The following EPHA5 variants were observed in gnomAD, a reference collection of about 807,000 sequenced individuals.
The protein encoded by EPHA5 is EPH receptor A5, also known as ephrin type-A receptor 5.
Under a neutral mutation model 105.0 loss-of-function variants are expected in EPHA5, and 60 were observed. That is an observed-to-expected ratio of 0.57 (90% CI 0.46 to 0.71). The LOEUF (loss-of-function observed/expected upper bound fraction) is 0.71. EPHA5 is among the 30% of genes least tolerant of loss of function. The probability of loss-of-function intolerance (pLI) is 0.00; values close to 1 mark genes in which losing one functional copy is unlikely to be tolerated. For missense variants in EPHA5, 1,218 were observed against 1,274.7 expected (o/e 0.96, Z 0.68); for synonymous variants, 513 against 449.1 (o/e 1.14, Z -1.80).
intron 8 of EPHA5, among the ~76,000 whole-genome samples, chr4:65,391,815 T>C (rs1720740974): frequency 6.6e-6 from 1 of 152,158 alleles, no homozygotes; most frequent in African/African-American, 2.4e-5. Flanking sequence ...GGTTAGGCTT[T>C]TGACCTGCCC....
At chr4:65,362,105 A>G (rs1717388444) in intron 11 of EPHA5, among the ~76,000 whole-genome samples, 1 of 151,586 alleles carries the variant, frequency 6.6e-6, no homozygotes, top group Non-Finnish European at 1.5e-5. Flanking sequence ...TTTAGAATAT[A>G]TGTATCTATT....
intron 2 of EPHA5, among the ~76,000 whole-genome samples, chr4:65,611,291 T>C (rs2149458219): frequency 6.6e-6 from 1 of 152,208 alleles, no homozygotes; most frequent in East Asian, 1.9e-4. Flanking sequence ...AAGATGTAAA[T>C]TGAAAAGTAA....
intron 2 of EPHA5, among the ~76,000 whole-genome samples, chr4:65,617,499 T>C (rs1745344399): frequency 6.6e-6 from 1 of 152,156 alleles, no homozygotes; most frequent in Non-Finnish European, 1.5e-5. Context: ...ATTGCTTTAC[T>C]GGTAGTGTAC....
At chr4:65,629,530 T>G (rs536191734) in intron 2 of EPHA5, among the ~76,000 whole-genome samples, 1 of 152,308 alleles carries the variant, frequency 6.6e-6, no homozygotes, top group East Asian at 1.9e-4. Context: ...TTTAGAAATA[T>G]AGTGGACATT....
chr4:65,481,320 G>A (rs1236959234), intron 5 of EPHA5, among the ~76,000 whole-genome samples: 1 of 152,116 alleles, frequency 6.6e-6, no homozygotes, highest in Non-Finnish European at 1.5e-5. Flanking sequence ...TTACAAAGAT[G>A]ATTTAATTTA....
At chr4:65,492,493 C>T (rs1030084047) in intron 4 of EPHA5, among the ~76,000 whole-genome samples, 3 of 146,984 alleles carry the variant, frequency 2.0e-5, no homozygotes, top group Admixed American at 7.0e-5. Flanking sequence ...TGAGCCACCG[C>T]GCCAAGCCAA....
At chr4:65,517,707 G>A (rs977580986) in intron 3 of EPHA5, among the ~76,000 whole-genome samples, 2 of 151,728 alleles carry the variant, frequency 1.3e-5, no homozygotes, top group Non-Finnish European at 2.9e-5. Flanking sequence ...GAAAATTACT[G>A]ATATGTTATT....
intron 2 of EPHA5, among the ~76,000 whole-genome samples, chr4:65,625,012 A>T (rs1049774819): frequency 1.3e-5 from 2 of 152,200 alleles, no homozygotes; most frequent in Non-Finnish European, 2.9e-5. Context: ...AAAAATTGTC[A>T]TTGGCATAGA....
At chr4:65,543,815 T>A (rs1480089295) in intron 3 of EPHA5, among the ~76,000 whole-genome samples, 5 of 152,042 alleles carry the variant, frequency 3.3e-5, no homozygotes, top group Non-Finnish European at 4.4e-5. Flanking sequence ...ACTACCTGAC[T>A]TTAAACTACA....
intron 5 of EPHA5, among the ~76,000 whole-genome samples, chr4:65,460,456 T>C (rs1728016572): frequency 6.6e-6 from 1 of 151,158 alleles, no homozygotes; most frequent in South Asian, 2.1e-4. Flanking sequence ...GATAATTAAA[T>C]GAGAAGTTAA....
chr4:65,545,077 T>TG lies in EPHA5; in HGVS notation c.911-49535dup, dbSNP rs375313505. ...CGACTTTGTGGTCAGTAAACTACCA[T>TG]GGGGGCTATTGTTCTTGTTAATATA... is the stretch of plus-strand genomic sequence containing the variant. On this transcript the variant is annotated intron_variant, in intron 3 of 16. Transcript: ENST00000613740. Among the ~76,000 whole-genome samples, 387 of 151,968 alleles carry TG rather than the reference T, an allele frequency of 2.5e-3. 1 individual carries two copies. The highest frequency in any genetic ancestry group is 8.5e-3 in the African/African-American group (352 of 41,506).
chr4:65,378,009 G>A (rs1282355919), intron 8 of EPHA5, among the ~76,000 whole-genome samples: 1 of 151,766 alleles, frequency 6.6e-6, no homozygotes, highest in Non-Finnish European at 1.5e-5. Context: ...TTCTAGAAAT[G>A]TATCTATTCT....
intron 5 of EPHA5, among the ~76,000 whole-genome samples, chr4:65,438,224 A>G (rs1318229735): frequency 6.6e-6 from 1 of 152,002 alleles, no homozygotes; most frequent in African/African-American, 2.4e-5. Flanking sequence ...AAGACCATCA[A>G]AATAATCATA....
chr4:65,465,260 C>A (rs1259724344), intron 5 of EPHA5, among the ~76,000 whole-genome samples: 1 of 151,688 alleles, frequency 6.6e-6, no homozygotes, highest in Non-Finnish European at 1.5e-5. Flanking sequence ...AATAGTGAAA[C>A]CCCGTCTCTA....
intron 14 of EPHA5, among the ~76,000 whole-genome samples, chr4:65,337,291 G>A (rs142251202): frequency 1.9e-4 from 29 of 152,074 alleles, no homozygotes; most frequent in African/African-American, 6.7e-4. Context: ...TATTAACCCC[G>A]CAGTGCTGCA....
Position 65,420,551 on chromosome 4 carries a change from T to C in EPHA5, c.1417A>G (p.Thr473Ala), listed in dbSNP as rs1723848814. 6.2e-7 allele frequency: 1 copy of C among 1,612,834 alleles called. No individual in the cohort carries two copies. The highest frequency in any genetic ancestry group is 8.5e-7 in the Non-Finnish European group (1 of 1,179,386). Residue 473 changes from threonine (T) to alanine (A), a missense_variant, in exon 6 of 17, where the codon ACC becomes GCC. Coordinates refer to ENST00000613740, the MANE Select transcript of EPHA5 (RefSeq NM_001281766.3). Reference protein sequence around the residue: ...TTNQAAPSPVTNVKKGKIAKN... With the variant: ...TTNQAAPSPVANVKKGKIAKN... ...GCAATTTTCCCTTTTTTCACATTGG[T>C]GACTGGAGATGGAGCTGCAAAATAG...
intron 5 of EPHA5, among the ~76,000 whole-genome samples, chr4:65,445,081 C>G (rs976994874): frequency 6.6e-6 from 1 of 151,892 alleles, no homozygotes; most frequent in East Asian, 1.9e-4. Flanking sequence ...ACTTCTTTTT[C>G]TAGTCTGCAA....
At chr4:65,552,421 C>T (rs1385435088) in intron 3 of EPHA5, among the ~76,000 whole-genome samples, 1 of 152,142 alleles carries the variant, frequency 6.6e-6, no homozygotes, top group African/African-American at 2.4e-5. Context: ...GCCATGAAAT[C>T]GGAAAATCAG....
intron 2 of EPHA5, among the ~76,000 whole-genome samples, chr4:65,615,536 AT>A (rs1327953361): frequency 2.6e-5 from 4 of 151,956 alleles, no homozygotes; most frequent in Non-Finnish European, 5.9e-5. Flanking sequence ...ATAATTCTAT[AT>A]CTAGCAAACC....
Sources: allele counts gnomAD v4.1 joint callset (sites outside exome capture counted in the v4.1 genomes callset), GRCh38; gene constraint gnomAD v4.1.1; transcripts MANE v1.5; gene names NCBI Gene and HGNC (gene_info 2026-07-23, HGNC 2026-07-21).